TRIOBP: variants seen among roughly 807,000 people sequenced by gnomAD.
The protein encoded by TRIOBP is TRIO and F-actin-binding protein.
Under a neutral mutation model 238.8 loss-of-function variants are expected in TRIOBP, and 169 were observed. The observed-to-expected ratio is 0.71, with a 90% CI of 0.62 to 0.80. TRIOBP has a LOEUF of 0.80. TRIOBP is among the 30% of genes least tolerant of loss of function. The probability of loss-of-function intolerance (pLI) is 0.00; values close to 1 mark genes in which losing one functional copy is unlikely to be tolerated. For missense variants in TRIOBP, 2,838 were observed against 3,122.6 expected (o/e 0.91, Z 2.17); for synonymous variants, 1,150 against 1,274.4 (o/e 0.90, Z 2.08).
chr22:37,747,247 G>A (rs946196504), intron 11 of TRIOBP, among the ~76,000 whole-genome samples: 1 of 152,228 alleles, frequency 6.6e-6, no homozygotes, highest in Non-Finnish European at 1.5e-5. Context: ...AAGTATAAGA[G>A]AAGGAGTAGC....
chr22:37,758,337 G>A (rs1174068443), intron 16 of TRIOBP, among the ~76,000 whole-genome samples, 199 bp downstream of exon 16: 1 of 152,130 alleles, frequency 6.6e-6, no homozygotes, highest in Non-Finnish European at 1.5e-5. Context: ...GTTTTGTTTT[G>A]TTTTTTCCTA....
At chr22:37,707,192 C>A (rs1358658647) in intron 3 of TRIOBP, among the ~76,000 whole-genome samples, 1 of 152,128 alleles carries the variant, frequency 6.6e-6, no homozygotes, top group African/African-American at 2.4e-5. Context: ...AGGAGAATTT[C>A]TTGAATCCGG....
chr22:37,767,166 G>A (rs540819878), intron 18 of TRIOBP, among the ~76,000 whole-genome samples: 8 of 152,002 alleles, frequency 5.3e-5, no homozygotes, highest in South Asian at 2.1e-4. Context: ...CAGGAGAATC[G>A]CTTGAAAGTG....
chr22:37,748,053 A>C (rs1925375460), intron 11 of TRIOBP, among the ~76,000 whole-genome samples: 1 of 152,194 alleles, frequency 6.6e-6, no homozygotes, highest in Non-Finnish European at 1.5e-5. Context: ...GCGAGGAGAC[A>C]GCAGTGTGGA....
At chr22:37,699,704 G>A (rs1922545705) in intron 2 of TRIOBP, among the ~76,000 whole-genome samples, 1 of 151,908 alleles carries the variant, frequency 6.6e-6, no homozygotes, top group South Asian at 2.1e-4. Flanking sequence ...ACCATGCCTG[G>A]CTAATTTTGT....
chr22:37,773,900 CCCA>C lies in TRIOBP; in HGVS notation c.*125_*127del. On this transcript the variant is annotated 3_prime_UTR_variant, in exon 24 of 24. Coordinates refer to ENST00000644935, the MANE Select transcript of TRIOBP (RefSeq NM_001039141.3). ...TCTGTGGGCCACACGTGCACTTGCA[CCCA>C]CCACACACACACACACACACACACA... 1.7e-5 allele frequency: 2 copies of C among 120,248 alleles called. No individual in the cohort carries two copies. Among genetic ancestry groups the C allele is most frequent in the African/African-American group, 3.1e-5 (1 of 32,528 alleles). 7.4% of individuals were successfully genotyped at this position (120,248 alleles called of 1,614,324 possible). A position where few individuals can be genotyped will look rare whatever the true frequency, so the allele number is the denominator to read the frequency against.
At position 37,776,348 on chromosome 22, in the gene TRIOBP, T is replaced by C. The variant is rs1287482244; in HGVS notation, c.*2568T>C. 1.3e-5 allele frequency: 2 copies of C among 152,260 alleles called. No individual in the cohort carries two copies. The highest frequency in any genetic ancestry group is 2.9e-5 in the Non-Finnish European group (2 of 68,052). The allele number at this position is 152,260 out of a possible 1,614,324, so 9.4% of individuals were successfully genotyped here. ...AGGCGCTGCTGGTGCAAATGTGCTT[T>C]GTTGCACCCACGGCAGGAAACTGAC... On this transcript the variant is annotated 3_prime_UTR_variant, in exon 24 of 24. Coordinates refer to ENST00000644935, the MANE Select transcript of TRIOBP (RefSeq NM_001039141.3).
chr22:37,702,180 A>G (rs983063035), intron 3 of TRIOBP, among the ~76,000 whole-genome samples: 5 of 125,786 alleles, frequency 4.0e-5, no homozygotes, highest in African/African-American at 1.3e-4. Context: ...GTTACACCCT[A>G]ACTTGAGAGT....
chr22:37,773,415 C>T (rs1167277060), intron 23 of TRIOBP, among the ~76,000 whole-genome samples: 5 of 152,192 alleles, frequency 3.3e-5, no homozygotes, highest in East Asian at 1.9e-4. Flanking sequence ...GGTGGGGTTT[C>T]GCCGTGATTT....
chr22:37,769,013 C>T lies in TRIOBP; in HGVS notation c.6576-15C>T, dbSNP rs372105900. 3 of 1,613,136 alleles carry T rather than the reference C, an allele frequency of 1.9e-6. No individual in the cohort carries two copies. Among genetic ancestry groups the T allele is most frequent in the Non-Finnish European group, 2.5e-6 (3 of 1,180,020 alleles). ...AAGACAACCTATGCTCTCCTCTGCT[C>T]CTCCTCTGGGGCAGGTCAGATGTGG... is the stretch of plus-strand genomic sequence containing the variant. On this transcript the variant is annotated splice_polypyrimidine_tract_variant and intron_variant, in intron 19 of 23. Coordinates refer to ENST00000644935, the MANE Select transcript of TRIOBP (RefSeq NM_001039141.3).
intron 10 of TRIOBP, 40 bp from the exon 11 acceptor site, chr22:37,740,855 C>A: frequency 2.6e-6 from 4 of 1,556,672 alleles, no homozygotes; most frequent in Non-Finnish European, 3.5e-6. Context: ...CCCCATCCTG[C>A]CAAAGGGACC....
In TRIOBP at chr22:37,723,038, T is replaced by A. The variant is rs570270042; in HGVS notation, c.629-147T>A. 6.4e-5 allele frequency: 48 copies of A among 744,192 alleles called. No homozygotes were observed. In the South Asian group the frequency reaches 8.6e-4, roughly 13 times the overall value. The allele number at this position is 744,192 out of a possible 1,614,324, so 46.1% of individuals were successfully genotyped here. The stretch of plus-strand genomic sequence containing the variant: ...GTCTAATCAGCCTTGGTCAGAGAGG[T>A]GGAGTCACTTGGTACAGACAGTGAG... On this transcript the variant is annotated intron_variant, in intron 6 of 23. Coordinates refer to ENST00000644935, the MANE Select transcript of TRIOBP (RefSeq NM_001039141.3).
intron 7 of TRIOBP, 88 bp downstream of exon 7, chr22:37,726,591 G>A (rs1924181021): frequency 1.5e-6 from 2 of 1,302,672 alleles, no homozygotes; most frequent in Admixed American, 3.4e-5. Context: ...AAAAGAAAGT[G>A]TTCAAATCCC....
chr22:37,773,076 A>G (rs1028314917), intron 23 of TRIOBP, among the ~76,000 whole-genome samples: 2 of 152,270 alleles, frequency 1.3e-5, no homozygotes, highest in South Asian at 4.1e-4. Context: ...TGACCCCCAC[A>G]GTGAATCTCC....
intron 21 of TRIOBP, among the ~76,000 whole-genome samples, chr22:37,771,011 A>C (rs956392078): frequency 6.6e-6 from 1 of 152,226 alleles, no homozygotes; most frequent in Non-Finnish European, 1.5e-5. Flanking sequence ...ACAAACACTT[A>C]GGTGAGGCTC....
In TRIOBP at chr22:37,765,668, A is replaced by G; in HGVS notation, c.6325-2A>G. 1 of 1,549,928 alleles carries G rather than the reference A, an allele frequency of 6.5e-7. No individual in the cohort carries two copies. Among genetic ancestry groups the G allele is most frequent in the Non-Finnish European group, 8.7e-7 (1 of 1,147,084 alleles). Reference sequence around the variant, plus strand: ...TGTGACACCCTGGCGTCCGGCCCACAGGAGGCATGTGAGCGCAGCCTGGCA... The same window carrying G: ...TGTGACACCCTGGCGTCCGGCCCACGGGAGGCATGTGAGCGCAGCCTGGCA... On this transcript the variant is annotated splice_acceptor_variant, in intron 17 of 23. Transcript: ENST00000644935. LOFTEE classifies it high-confidence loss of function.
In TRIOBP at chr22:37,723,591, C is replaced by G; in HGVS notation, c.1035C>G (p.Pro345=). The stretch of plus-strand genomic sequence containing the variant: ...GGAACACCCCCAGAGCTTCCTCTCC[C>G]TCACGAAGCACCCAACTGGATAACC... ...TQWNTPRASS[P]SRSTQLDNPR... Residue 345 remains proline (P), a synonymous_variant, in exon 7 of 24, where the codon CCC becomes CCG. Transcript: ENST00000644935. 2 of 1,614,146 alleles carry G rather than the reference C, an allele frequency of 1.2e-6. No individual in the cohort carries two copies. Among genetic ancestry groups the G allele is most frequent in the Non-Finnish European group, 1.7e-6 (2 of 1,180,018 alleles).
At position 37,772,681 on chromosome 22, in the gene TRIOBP, C is replaced by G; in HGVS notation, c.7017C>G (p.Ile2339Met). 6.2e-7 allele frequency: 1 copy of G among 1,614,088 alleles called. No homozygotes were observed. ...TCAAGACACGGTCTGAGCGGGAGAT[C>G]GAGCAGCTGAAGGAGCACCTGCGTC... is the stretch of plus-strand genomic sequence containing the variant. Reference protein sequence around the residue: ...SHIKTRSEREIEQLKEHLRLA... With the variant: ...SHIKTRSEREMEQLKEHLRLA... Residue 2339 changes from isoleucine to methionine, a missense_variant, in exon 23 of 24, where the codon ATC (isoleucine) becomes ATG (methionine). This residue lies in a region of TRIOBP where 2,096 missense variants were observed against 2,137.4 expected (regional missense o/e 0.98). Coordinates refer to ENST00000644935, the MANE Select transcript of TRIOBP (RefSeq NM_001039141.3).
intron 3 of TRIOBP, among the ~76,000 whole-genome samples, chr22:37,710,044 A>G (rs1299540301): frequency 6.6e-6 from 1 of 152,242 alleles, no homozygotes; most frequent in East Asian, 1.9e-4. Context: ...GCGCACGCAC[A>G]TACATGCATG....
Sources: allele counts gnomAD v4.1 joint callset (sites outside exome capture counted in the v4.1 genomes callset), GRCh38; gene constraint gnomAD v4.1.1; regional missense constraint gnomAD v4.1.1; transcripts MANE v1.5; gene names NCBI Gene and HGNC (gene_info 2026-07-23, HGNC 2026-07-21).